PTGER3: variants seen among roughly 807,000 people sequenced by gnomAD.
PTGER3 encodes prostaglandin E2 receptor EP3 subtype.
A neutral mutation model predicts 34.7 loss-of-function variants in PTGER3; 22 were observed. The ratio of observed to expected loss-of-function variants is 0.63; its 90% CI spans 0.45 to 0.91. PTGER3 has a LOEUF of 0.91. Ranked by LOEUF, PTGER3 falls within the 40% of genes least tolerant of loss-of-function variation. The pLI is 0.00. For synonymous variants in PTGER3, 241 were observed against 230.1 expected (o/e 1.05, Z -0.43); for missense variants, 468 against 519.4 (o/e 0.90, Z 0.96).
At chr1:70,884,077 A>G in intron 4 of PTGER3, 1 of 400,294 alleles carries the variant, frequency 2.5e-6, no homozygotes, top group Non-Finnish European at 4.9e-6. Context: ...AGAGAGCAAG[A>G]CTCCATCTCA....
chr1:71,014,665 G>T (rs1261479642), intron 1 of PTGER3, among the ~76,000 whole-genome samples: 1 of 152,154 alleles, frequency 6.6e-6, no homozygotes, highest in Non-Finnish European at 1.5e-5. Flanking sequence ...ACAGCAAGAA[G>T]ACAGCAGTCT....
intron 4 of PTGER3, among the ~76,000 whole-genome samples, chr1:70,926,270 C>T (rs1648075589): frequency 6.6e-6 from 1 of 152,142 alleles, no homozygotes; most frequent in South Asian, 2.1e-4. Context: ...TTACCTTGGG[C>T]AGTATGGCCA....
At chr1:70,958,398 T>C (rs965690028) in intron 2 of PTGER3, among the ~76,000 whole-genome samples, 23 of 152,186 alleles carry the variant, frequency 1.5e-4, no homozygotes, top group Non-Finnish European at 2.9e-4. Flanking sequence ...GGTGATACCA[T>C]TGTGGTTTTG....
chr1:70,862,276 T>C (rs1645943998), intron 4 of PTGER3: 1 of 1,201,246 alleles, frequency 8.3e-7, no homozygotes, highest in Non-Finnish European at 1.1e-6. Flanking sequence ...TAATAGTAAC[T>C]GGTAAGTTCT....
At chr1:70,906,483 C>T (rs1029602765) in intron 4 of PTGER3, among the ~76,000 whole-genome samples, 2 of 148,752 alleles carry the variant, frequency 1.3e-5, no homozygotes, top group African/African-American at 5.0e-5. Flanking sequence ...CCAAATCAGT[C>T]ATATAACTGC....
intron 4 of PTGER3, among the ~76,000 whole-genome samples, chr1:70,914,257 A>C (rs1647125490): frequency 6.6e-6 from 1 of 151,792 alleles, no homozygotes. Flanking sequence ...GAGTTAATGG[A>C]AGCCATTGTG....
At chr1:70,997,509 G>A (rs957921615) in intron 2 of PTGER3, among the ~76,000 whole-genome samples, 1 of 152,050 alleles carries the variant, frequency 6.6e-6, no homozygotes, top group Non-Finnish European at 1.5e-5. Context: ...TTTCATATTC[G>A]ATGAAGTCAA....
chr1:70,865,974 T>C, intron 4 of PTGER3: 1 of 407,022 alleles, frequency 2.5e-6, no homozygotes, highest in Non-Finnish European at 4.3e-6. Context: ...AAAGTTCAAC[T>C]CAAGCACTTC....
At chr1:70,885,951 G>A (rs1289107344) in intron 4 of PTGER3, among the ~76,000 whole-genome samples, 1 of 152,080 alleles carries the variant, frequency 6.6e-6, no homozygotes, top group Non-Finnish European at 1.5e-5. Flanking sequence ...TTATGCTTCA[G>A]GAATGACCCT....
intron 2 of PTGER3, among the ~76,000 whole-genome samples, chr1:70,979,790 A>C (rs1654079856): frequency 6.6e-6 from 1 of 152,144 alleles, no homozygotes; most frequent in Admixed American, 6.5e-5. Flanking sequence ...TGTCTCCTCA[A>C]TTTAATTTCA....
At chr1:70,883,518 G>A (rs1477922904) in intron 4 of PTGER3, among the ~76,000 whole-genome samples, 2 of 152,036 alleles carry the variant, frequency 1.3e-5, no homozygotes, top group East Asian at 1.9e-4. Context: ...TAAATTTATA[G>A]GTATGATGAA....
chr1:70,996,639 T>C (rs866312133), intron 2 of PTGER3, among the ~76,000 whole-genome samples: 2 of 122,748 alleles, frequency 1.6e-5, no homozygotes, highest in African/African-American at 6.0e-5. Flanking sequence ...TTTTTTGTAT[T>C]TTTATTTATT....
At chr1:71,020,565 A>T (rs547092460) in intron 1 of PTGER3, among the ~76,000 whole-genome samples, 1 of 152,114 alleles carries the variant, frequency 6.6e-6, no homozygotes, top group Non-Finnish European at 1.5e-5. Flanking sequence ...ATAGGTGTGA[A>T]ACAAAAGTCA....
chr1:70,924,869 G>A (rs1310895290), intron 4 of PTGER3, among the ~76,000 whole-genome samples: 1 of 152,060 alleles, frequency 6.6e-6, no homozygotes, highest in Non-Finnish European at 1.5e-5. Context: ...CCCTCTCTTG[G>A]GGTCTGAATC....
At chr1:70,991,165 C>T (rs1655442419) in intron 2 of PTGER3, among the ~76,000 whole-genome samples, 1 of 152,134 alleles carries the variant, frequency 6.6e-6, no homozygotes, top group South Asian at 2.1e-4. Context: ...TCTAGAAAAA[C>T]AAGACACTCT....
chr1:70,921,066 T>C (rs890481885), intron 4 of PTGER3, among the ~76,000 whole-genome samples: 1 of 152,192 alleles, frequency 6.6e-6, no homozygotes, highest in Admixed American at 6.5e-5. Flanking sequence ...ACATTATAAA[T>C]AAGCATAATA....
intron 1 of PTGER3, among the ~76,000 whole-genome samples, chr1:71,036,327 G>A (rs2100973034): frequency 6.6e-6 from 1 of 152,190 alleles, no homozygotes; most frequent in African/African-American, 2.4e-5. Context: ...TCACTACAGG[G>A]AAAAGACATA....
chr1:71,030,799 C>G (rs1391274082), intron 1 of PTGER3, among the ~76,000 whole-genome samples: 1 of 152,068 alleles, frequency 6.6e-6, no homozygotes, highest in African/African-American at 2.4e-5. Context: ...CAGGAAATCT[C>G]CATCACCATA....
intron 4 of PTGER3, among the ~76,000 whole-genome samples, chr1:70,910,462 G>T (rs1647037332): frequency 6.6e-6 from 1 of 152,162 alleles, no homozygotes; most frequent in Non-Finnish European, 1.5e-5. Context: ...AGACTGGAGT[G>T]CAGTGGCATG....
Sources: gnomAD v4.1 joint callset for allele counts (sites outside exome capture counted in the v4.1 genomes callset) on GRCh38, gnomAD v4.1.1 for gene constraint, MANE v1.5 for transcripts, NCBI Gene and HGNC (gene_info 2026-07-23, HGNC 2026-07-21) for gene names.